The following APC variants were observed in gnomAD, a reference collection of about 807,000 sequenced individuals.
APC encodes the protein APC regulator of Wnt signaling pathway.
A neutral mutation model predicts 247.0 loss-of-function variants in APC; 72 were observed. The ratio of observed to expected loss-of-function variants is 0.29; its 90% confidence interval spans 0.24 to 0.35. APC has a LOEUF of 0.35. APC is among the 10% of genes least tolerant of loss of function. The probability of loss-of-function intolerance (pLI) is 1.00; values close to 1 mark genes in which losing one functional copy is unlikely to be tolerated. For synonymous variants in APC, 1,254 were observed against 1,162.5 expected (o/e 1.08, Z -1.60); for missense variants, 3,400 against 3,360.7 (o/e 1.01, Z -0.29).
intron 1 of APC, among the ~76,000 whole-genome samples, chr5:112,739,497 A>G (rs1168573944): frequency 6.6e-6 from 1 of 152,246 alleles, no homozygotes; most frequent in African/African-American, 2.4e-5. Flanking sequence ...TTTCACTGAT[A>G]AATTTAAATA....
rs183536606 is a variant in APC, at chr5:112,726,326, A to T, written c.165+18444A>T. Among the ~76,000 whole-genome samples, 1,342 of 152,270 alleles carry T rather than the reference A, an allele frequency of 8.8e-3. 13 individuals carry two copies. The highest frequency in any genetic ancestry group is 0.015 in the South Asian group (71 of 4,814). ...TTATCGAGTTGTGGAGGTGGCTCTC[A>T]GTGAGATGGATGGGGAGCTGGAAGG... On this transcript the variant is annotated intron_variant, in intron 1 of 13. Coordinates refer to the APC transcript ENST00000507379.
At chr5:112,813,341 G>A (rs187625270) in intron 8 of APC, among the ~76,000 whole-genome samples, 1 of 152,012 alleles carries the variant, frequency 6.6e-6, no homozygotes, top group African/African-American at 2.4e-5. Context: ...CCTCACCTTG[G>A]CTTATAACAT....
At chr5:112,801,209 GAAA>G in intron 7 of APC, 67 bp from the exon 8 acceptor site, 1 of 1,318,470 alleles carries the variant, frequency 7.6e-7, no homozygotes, top group South Asian at 1.2e-5. Flanking sequence ...AGCAAAAAAA[GAAA>G]AAAAGCCTTG....
rs2149975815 is a variant in APC, at chr5:112,842,493, C to T, written c.6899C>T (p.Ser2300Phe). ...ATAGGTGGGTCAAGTAAAGCACCTT[C>T]TAGATCAGGATCTAGAGATTCGACC... ...SQIGGSSKAP[S>F]RSGSRDSTPS... Residue 2300 changes from serine to phenylalanine, a missense_variant, in exon 16 of 16, where the codon TCT (serine) becomes TTT (phenylalanine). Coordinates refer to ENST00000257430, the MANE Select transcript of APC (RefSeq NM_000038.6). The T allele has an allele frequency of 6.2e-7, 1 of 1,614,010 alleles. No individual in the cohort carries two copies. Among genetic ancestry groups the T allele is most frequent in the Non-Finnish European group, 8.5e-7 (1 of 1,179,942 alleles).
intron 1 of APC, among the ~76,000 whole-genome samples, chr5:112,750,413 C>T (rs988705002): frequency 6.6e-6 from 1 of 150,952 alleles, no homozygotes; most frequent in Admixed American, 6.6e-5. Flanking sequence ...TTTATTTTTA[C>T]TGGAAGAGGA....
intron 8 of APC, among the ~76,000 whole-genome samples, chr5:112,808,277 A>G (rs1761625554): frequency 6.6e-6 from 1 of 152,242 alleles, no homozygotes; most frequent in African/African-American, 2.4e-5. Flanking sequence ...CAGTTGTTTC[A>G]TAAATGTCTT....
chr5:112,767,578 G>A (rs752029573), intron 4 of APC, among the ~76,000 whole-genome samples, 188 bp downstream of exon 4: 11 of 152,066 alleles, frequency 7.2e-5, no homozygotes, highest in South Asian at 2.1e-4. Context: ...AAACAAGGCC[G>A]TTTCCTGGGA....
At chr5:112,719,031 A>G (rs1292104481) in intron 1 of APC, among the ~76,000 whole-genome samples, 1 of 152,216 alleles carries the variant, frequency 6.6e-6, no homozygotes, top group Non-Finnish European at 1.5e-5. Flanking sequence ...AGCAAAAAAT[A>G]CTTGTATGTG....
At chr5:112,816,828 T>A (rs898932467) in intron 9 of APC, among the ~76,000 whole-genome samples, 10 of 152,114 alleles carry the variant, frequency 6.6e-5, no homozygotes, top group African/African-American at 2.2e-4. Context: ...ATAGTTACTT[T>A]ATTATTTTAA....
At chr5:112,787,394 TTAAAG>T (rs1236216329) in intron 6 of APC, among the ~76,000 whole-genome samples, 6 of 152,340 alleles carry the variant, frequency 3.9e-5, no homozygotes, top group Middle Eastern at 3.4e-3. Context: ...CAAATTGCTC[TTAAAG>T]TAATCTTTTT....
chr5:112,825,493 C>G (rs1763553672), intron 11 of APC, among the ~76,000 whole-genome samples: 1 of 152,308 alleles, frequency 6.6e-6, no homozygotes, highest in South Asian at 2.1e-4. Flanking sequence ...CCCAGGGGCC[C>G]TTTCACATGC....
At position 112,832,124 on chromosome 5, in the gene APC, C is replaced by T. The variant is rs569940; in HGVS notation, c.1744-2827C>T. ...TGCTGTTACTACTTGTATTAATAACCTCTAATTATTTATTTTGTGTCTTCT... is the reference window on the plus strand; with the variant it reads ...TGCTGTTACTACTTGTATTAATAACTTCTAATTATTTATTTTGTGTCTTCT... On this transcript the variant is annotated intron_variant, in intron 14 of 15. Coordinates refer to ENST00000257430, the MANE Select transcript of APC (RefSeq NM_000038.6). 0.55 allele frequency among the ~76,000 whole-genome samples: 83,104 copies of T among 151,870 alleles called. 23,283 individuals carry two copies. Among genetic ancestry groups the T allele is most frequent in the East Asian group, 0.82 (4,250 of 5,178 alleles).
rs752926571 is a variant in APC, at chr5:112,839,558, G to C, written c.3964G>C (p.Glu1322Gln). Residue 1322 changes from glutamate to glutamine, a missense_variant, in exon 16 of 16, where the codon GAA (glutamate) becomes CAA (glutamine). This residue lies in a region of APC where 715 missense variants were observed against 656.6 expected (regional missense o/e 1.09). Coordinates refer to ENST00000257430, the MANE Select transcript of APC (RefSeq NM_000038.6). This position sits in a 1 kb window ranked among gnomAD's most constrained non-coding sequence, Gnocchi z 5.0. ...TAGGTCAGCTGAAGATCCTGTGAGC[G>C]AAGTTCCAGCAGTGTCACAGCACCC... ...GTRSAEDPVS[E>Q]VPAVSQHPRT... 6.2e-7 allele frequency: 1 copy of C among 1,614,178 alleles called. No individual in the cohort carries two copies. Among genetic ancestry groups the C allele is most frequent in the South Asian group, 1.1e-5 (1 of 91,084 alleles).
At chr5:112,798,045 T>C (rs1760396743) in intron 7 of APC, among the ~76,000 whole-genome samples, 1 of 152,200 alleles carries the variant, frequency 6.6e-6, no homozygotes, top group African/African-American at 2.4e-5. Context: ...CATATAGTTA[T>C]GTGACTCAGC....
At chr5:112,719,208 TCTTTA>T (rs975465471) in intron 1 of APC, among the ~76,000 whole-genome samples, 1 of 152,122 alleles carries the variant, frequency 6.6e-6, no homozygotes, top group African/African-American at 2.4e-5. Flanking sequence ...ATTCTTTCCT[TCTTTA>T]CTTCTTCTTT....
chr5:112,749,659 TG>T (rs1204160812), intron 1 of APC, among the ~76,000 whole-genome samples: 1 of 151,916 alleles, frequency 6.6e-6, no homozygotes. Context: ...GGCTAATTTT[TG>T]TATTTTTAGT....
At chr5:112,784,866 G>C (rs1161102508) in intron 6 of APC, among the ~76,000 whole-genome samples, 1 of 152,102 alleles carries the variant, frequency 6.6e-6, no homozygotes, top group East Asian at 1.9e-4. Context: ...AATAGCTCAG[G>C]CCTGTAATCC....
At position 112,810,083 on chromosome 5, in the gene APC, T is replaced by A. The variant is rs1416135580; in HGVS notation, c.835-5412T>A. ...CAAGAGAGAAAAGATCGTTAACTGA[T>A]ACAGACTATAAGTTTGAGAGAAAAT... On this transcript the variant is annotated intron_variant, in intron 8 of 15. Transcript: ENST00000257430. 1.1e-5 allele frequency: 5 copies of A among 454,860 alleles called. No individual in the cohort carries two copies. The Admixed American group carries it at 1.2e-4, about 11-fold the overall frequency. 28.2% of individuals were successfully genotyped at this position (454,860 alleles called of 1,614,324 possible).
intron 4 of APC, among the ~76,000 whole-genome samples, chr5:112,771,975 A>G (rs1242266259): frequency 6.6e-6 from 1 of 152,200 alleles, no homozygotes; most frequent in Non-Finnish European, 1.5e-5. Flanking sequence ...ACCTCAAAGG[A>G]TATCATGAGG....
Sources: gnomAD v4.1 joint callset for allele counts (sites outside exome capture counted in the v4.1 genomes callset) on GRCh38, gnomAD v4.1.1 for gene constraint, gnomAD v4.1.1 regional missense constraint, Gnocchi (gnomAD v3.1) non-coding constraint, MANE v1.5 for transcripts, NCBI Gene and HGNC (gene_info 2026-07-23, HGNC 2026-07-21) for gene names.